ULK4: variants seen among roughly 807,000 people sequenced by gnomAD.
ULK4 encodes inactive serine/threonine-protein kinase ULK4.
A neutral mutation model predicts 160.6 loss-of-function variants in ULK4; 133 were observed. That is an observed-to-expected ratio of 0.83 (90% confidence interval 0.72 to 0.96). The LOEUF (loss-of-function observed/expected upper bound fraction) is 0.96. Among genes scored for constraint, ULK4 ranks in the 40% least tolerant of loss-of-function variants. The probability of loss-of-function intolerance (pLI) is 0.00; values close to 1 mark genes in which losing one functional copy is unlikely to be tolerated. For synonymous variants in ULK4, 534 were observed against 539.8 expected (o/e 0.99, Z 0.15); for missense variants, 1,580 against 1,499.5 (o/e 1.05, Z -0.89).
intron 35 of ULK4, among the ~76,000 whole-genome samples, chr3:41,338,122 T>A (rs2080604028): frequency 6.6e-6 from 1 of 152,174 alleles, no homozygotes. Context: ...AGACAACTTG[T>A]TTGAAAGGAA....
At chr3:41,734,920 C>T (rs1168248422) in intron 22 of ULK4, among the ~76,000 whole-genome samples, 1 of 152,112 alleles carries the variant, frequency 6.6e-6, no homozygotes, top group Non-Finnish European at 1.5e-5. Flanking sequence ...GGCAGAACCT[C>T]GGCAGCACCT....
At chr3:41,867,402 C>T (rs1696934588) in intron 17 of ULK4, among the ~76,000 whole-genome samples, 1 of 152,064 alleles carries the variant, frequency 6.6e-6, no homozygotes, top group African/African-American at 2.4e-5. Flanking sequence ...TTTGGGGGGG[C>T]AAGGTGTCAC....
intron 32 of ULK4, among the ~76,000 whole-genome samples, chr3:41,479,946 G>A (rs138901929): frequency 5.9e-5 from 9 of 152,102 alleles, no homozygotes; most frequent in South Asian, 2.1e-4. Flanking sequence ...GGTGGCTCAC[G>A]CCTGTAATCT....
chr3:41,382,620 T>C (rs1274354836), intron 35 of ULK4, among the ~76,000 whole-genome samples: 1 of 152,124 alleles, frequency 6.6e-6, no homozygotes, highest in Non-Finnish European at 1.5e-5. Flanking sequence ...CCTTGTTGAA[T>C]AGTTCTGTTG....
chr3:41,898,720 T>C (rs1698251693), intron 13 of ULK4, among the ~76,000 whole-genome samples: 1 of 152,240 alleles, frequency 6.6e-6, no homozygotes, highest in South Asian at 2.1e-4. Context: ...TAAAGCTTCA[T>C]AGAAAACATT....
intron 19 of ULK4, among the ~76,000 whole-genome samples, chr3:41,803,895 T>A (rs551832737): frequency 2.0e-5 from 3 of 152,236 alleles, no homozygotes; most frequent in Non-Finnish European, 4.4e-5. Context: ...TTGTTGGACA[T>A]TTGGATTGGT....
intron 35 of ULK4, among the ~76,000 whole-genome samples, chr3:41,279,587 C>A (rs946832373): frequency 6.6e-6 from 1 of 151,990 alleles, no homozygotes; most frequent in Non-Finnish European, 1.5e-5. Flanking sequence ...CCAAAGGAAG[C>A]CCATCAGACT....
chr3:41,833,033 A>G (rs558876260), intron 18 of ULK4, among the ~76,000 whole-genome samples: 1 of 152,266 alleles, frequency 6.6e-6, no homozygotes, highest in East Asian at 1.9e-4. Flanking sequence ...GTGGTTCCAT[A>G]TGAAATTTAA....
intron 2 of ULK4, among the ~76,000 whole-genome samples, chr3:41,940,023 TTTG>T (rs1286318489): frequency 5.3e-5 from 8 of 151,830 alleles, no homozygotes; most frequent in South Asian, 4.1e-4. Context: ...TGCCATAGTT[TTTG>T]TTGTTTTTTT....
chr3:41,526,778 T>C (rs1443858026), intron 32 of ULK4, among the ~76,000 whole-genome samples: 2 of 152,240 alleles, frequency 1.3e-5, no homozygotes, highest in Non-Finnish European at 2.9e-5. Flanking sequence ...CCAGTATCCT[T>C]CGAAGGCTTT....
At chr3:41,466,180 G>A (rs966267193) in intron 32 of ULK4, among the ~76,000 whole-genome samples, 1 of 152,070 alleles carries the variant, frequency 6.6e-6, no homozygotes, top group South Asian at 2.1e-4. Flanking sequence ...TAGAATTCCT[G>A]CTTCTGACTG....
At chr3:41,302,186 T>C (rs1295136676) in intron 35 of ULK4, among the ~76,000 whole-genome samples, 6 of 152,228 alleles carry the variant, frequency 3.9e-5, no homozygotes, top group Non-Finnish European at 7.4e-5. Flanking sequence ...CATTCAAATA[T>C]AAATGAGCAA....
At chr3:41,598,940 C>T (rs1221347409) in intron 31 of ULK4, among the ~76,000 whole-genome samples, 1 of 152,224 alleles carries the variant, frequency 6.6e-6, no homozygotes, top group East Asian at 1.9e-4. Flanking sequence ...GGGCTGCACT[C>T]CTTTCTGGAG....
intron 21 of ULK4, among the ~76,000 whole-genome samples, chr3:41,764,507 G>A (rs140818047): frequency 1.3e-5 from 2 of 152,320 alleles, no homozygotes; most frequent in Non-Finnish European, 2.9e-5. Flanking sequence ...CACTTTGGCA[G>A]GCCAAAGCAG....
intron 34 of ULK4, among the ~76,000 whole-genome samples, chr3:41,418,343 G>T (rs1359323599): frequency 1.1e-5 from 1 of 94,408 alleles, no homozygotes; most frequent in Non-Finnish European, 2.0e-5. Flanking sequence ...TTAATTTGGC[G>T]GGGGGGGGGG....
intron 35 of ULK4, among the ~76,000 whole-genome samples, chr3:41,376,460 T>C (rs1018048014): frequency 2.0e-5 from 3 of 150,200 alleles, no homozygotes; most frequent in Non-Finnish European, 2.9e-5. Context: ...GACATGATTG[T>C]ATATCTAGAA....
intron 21 of ULK4, among the ~76,000 whole-genome samples, chr3:41,770,337 G>A (rs931184689): frequency 5.3e-5 from 8 of 151,990 alleles, no homozygotes; most frequent in African/African-American, 1.7e-4. Flanking sequence ...CACAAAACAT[G>A]AACCACTCAG....
At chr3:41,819,262 C>CTGTA (rs2041063005) in intron 19 of ULK4, among the ~76,000 whole-genome samples, 161 bp downstream of exon 19, 1 of 152,182 alleles carries the variant, frequency 6.6e-6, no homozygotes, top group South Asian at 2.1e-4. Context: ...ACTTGCTCCA[C>CTGTA]TGTAGGTCAC....
At chr3:41,543,662 G>C (rs1450727570) in intron 32 of ULK4, among the ~76,000 whole-genome samples, 1 of 151,984 alleles carries the variant, frequency 6.6e-6, no homozygotes, top group Non-Finnish European at 1.5e-5. Context: ...TGTCTTTCTA[G>C]AAATTTCATC....
Sources: allele counts gnomAD v4.1 joint callset (sites outside exome capture counted in the v4.1 genomes callset), GRCh38; gene constraint gnomAD v4.1.1; transcripts MANE v1.5; gene names NCBI Gene and HGNC (gene_info 2026-07-23, HGNC 2026-07-21).